ADGRG1: variants seen among roughly 807,000 people sequenced by gnomAD.
ADGRG1 encodes adhesion G protein-coupled receptor G1, also known as 7-transmembrane protein with no EGF-like N-terminal domains-1.
In ADGRG1, 53 loss-of-function variants were observed where a neutral mutation model predicts 73.5. The ratio of observed to expected loss-of-function variants is 0.72; its 90% CI spans 0.58 to 0.91. The LOEUF is 0.91. ADGRG1 is among the 40% of genes least tolerant of loss of function. The pLI is 0.00. For synonymous variants in ADGRG1, 394 were observed against 374.4 expected, an observed-to-expected ratio of 1.05 and a Z score of -0.60; for missense variants, 795 against 871.8, an observed-to-expected ratio of 0.91 and a Z score of 1.11.
chr16:57,630,288 C>G, intron 1 of ADGRG1: 3 of 853,148 alleles, frequency 3.5e-6, no homozygotes, highest in Non-Finnish European at 4.2e-6. Context: ...GTTGGCTCCC[C>G]AGAGCCCAGG....
chr16:57,660,226 A>G, intron 11 of ADGRG1: 2 of 984,986 alleles, frequency 2.0e-6, no homozygotes, highest in South Asian at 4.7e-5. Context: ...CAACCTCCGC[A>G]TGCCCCTGAC....
intron 3 of ADGRG1, chr16:57,652,869 C>T: frequency 1.7e-6 from 2 of 1,166,710 alleles, no homozygotes; most frequent in Non-Finnish European, 1.1e-6. Flanking sequence ...CACCACCAAG[C>T]CCCGCACATC....
At chr16:57,630,857 A>T in intron 1 of ADGRG1, 1 of 710,430 alleles carries the variant, frequency 1.4e-6, no homozygotes, top group Non-Finnish European at 1.7e-6. Flanking sequence ...ACTTAGGAAA[A>T]CATTTGGGGA....
intron 2 of ADGRG1, chr16:57,622,123 TAA>T (rs5817102): frequency 9.2e-5 from 11 of 119,140 alleles, no homozygotes; most frequent in Non-Finnish European, 1.1e-4. Context: ...ATCCCGTCTC[TAA>T]AAAAAAAAAA....
intron 1 of ADGRG1, chr16:57,633,664 G>A (rs1317425806): frequency 1.2e-5 from 3 of 247,110 alleles, no homozygotes; most frequent in Non-Finnish European, 1.9e-5. Flanking sequence ...GGCTGGTAAT[G>A]GCATCCTGAG....
intron 1 of ADGRG1, chr16:57,633,314 C>A: frequency 3.0e-6 from 3 of 984,890 alleles, no homozygotes; most frequent in Non-Finnish European, 3.6e-6. Flanking sequence ...GACTTAGGCT[C>A]AAATCCTTGA....
At chr16:57,647,223 C>G in intron 1 of ADGRG1, 2 of 985,414 alleles carry the variant, frequency 2.0e-6, no homozygotes, top group Non-Finnish European at 2.4e-6. Flanking sequence ...GCTCTCCTGT[C>G]CCAACGGGCT....
chr16:57,651,647 A>T, intron 3 of ADGRG1, 25 bp downstream of exon 3: 1 of 1,607,738 alleles, frequency 6.2e-7, no homozygotes, highest in Non-Finnish European at 8.5e-7. Flanking sequence ...AGGCGGAGGG[A>T]ACAACTGGGC....
At chr16:57,647,097 C>A in intron 1 of ADGRG1, 1 of 984,952 alleles carries the variant, frequency 1.0e-6, no homozygotes, top group African/African-American at 1.7e-5. Flanking sequence ...GGTGTGTGTG[C>A]GTGGGGCAGA....
intron 11 of ADGRG1, 165 bp from the exon 12 acceptor site, chr16:57,660,603 G>T: frequency 1.1e-6 from 1 of 935,338 alleles, no homozygotes; most frequent in South Asian, 4.9e-5. Context: ...GAATGGGGAG[G>T]GGGAGGGTCC....
At chr16:57,633,838 A>G (rs1220289672) in intron 1 of ADGRG1, among the ~76,000 whole-genome samples, 1 of 152,202 alleles carries the variant, frequency 6.6e-6, no homozygotes, top group Non-Finnish European at 1.5e-5. Context: ...TGTTACCGGG[A>G]AAACCACCAA....
At chr16:57,641,565 CTTTTTTTT>C in intron 1 of ADGRG1, 1 of 906,444 alleles carries the variant, frequency 1.1e-6, no homozygotes, top group Non-Finnish European at 1.3e-6. Flanking sequence ...TCTAAAAGTC[CTTTTTTTT>C]TTTTTTTTTT....
chr16:57,652,061 G>A (rs2044238581), intron 3 of ADGRG1: 1 of 1,055,834 alleles, frequency 9.5e-7, no homozygotes, highest in Non-Finnish European at 1.2e-6. Flanking sequence ...GCACAGAGAG[G>A]ATGCCCAAAG....
At chr16:57,635,436 C>A in intron 1 of ADGRG1, 1 of 985,406 alleles carries the variant, frequency 1.0e-6, no homozygotes, top group Non-Finnish European at 1.2e-6. Flanking sequence ...CAGTGCAGCA[C>A]CCTTGCCAGC....
upstream of ADGRG1, chr16:57,627,840 A>G: frequency 1.0e-6 from 1 of 985,234 alleles, no homozygotes; most frequent in Non-Finnish European, 1.2e-6. Flanking sequence ...CTGACAGAGG[A>G]ATGACCAGAA....
rs926147631 is a variant in ADGRG1 at position 57,647,070 on chromosome 16, T to A, written c.-35-3183T>A. On this transcript the variant is annotated intron_variant, in intron 1 of 13. Coordinates refer to ENST00000562631, the MANE Select transcript of ADGRG1 (RefSeq NM_201525.4). ...GCTACATCCCTGGCGCCTGGGTGGGTGGGTGGGCAGGTGGCAGGTGTGTGT... is the reference window on the plus strand; with the variant it reads ...GCTACATCCCTGGCGCCTGGGTGGGAGGGTGGGCAGGTGGCAGGTGTGTGT... The A allele has an allele frequency of 7.9e-5, 10 of 126,242 alleles. No homozygotes were observed. In the East Asian group the frequency reaches 7.7e-3, roughly 97 times the overall value. 7.8% of individuals were successfully genotyped at this position (126,242 alleles called of 1,614,324 possible).
chr16:57,637,795 C>T (rs1169747315), intron 1 of ADGRG1: 1 of 717,186 alleles, frequency 1.4e-6, no homozygotes, highest in Non-Finnish European at 1.7e-6. Context: ...CCCCTGCTGC[C>T]TTTCCCATGG....
chr16:57,623,676 A>G (rs2035294766), upstream of ADGRG1: 2 of 458,756 alleles, frequency 4.4e-6, no homozygotes, highest in Non-Finnish European at 5.7e-6. Context: ...AGGCGGGCCT[A>G]GGGAACCAGA....
At chr16:57,642,074 A>G in intron 1 of ADGRG1, 2 of 985,192 alleles carry the variant, frequency 2.0e-6, no homozygotes, top group Non-Finnish European at 2.4e-6. Flanking sequence ...ATTCTAAGAG[A>G]CTTTGATTCT....
Sources: allele counts gnomAD v4.1 joint callset (sites outside exome capture counted in the v4.1 genomes callset), GRCh38; gene constraint gnomAD v4.1.1; transcripts MANE v1.5; gene names NCBI Gene and HGNC (gene_info 2026-07-23, HGNC 2026-07-21).